Variants in CLYBL observed in about 807,000 individuals in gnomAD.
CLYBL encodes citramalyl-CoA lyase, mitochondrial.
A neutral mutation model predicts 38.9 loss-of-function variants in CLYBL; 31 were observed. That is an observed-to-expected ratio of 0.80 (90% CI 0.60 to 1.08). The LOEUF is 1.08. Among genes scored for constraint, CLYBL ranks in the 50% least tolerant of loss-of-function variants. The probability of loss-of-function intolerance (pLI) is 0.00; values close to 1 mark genes in which losing one functional copy is unlikely to be tolerated. For synonymous variants in CLYBL, 171 were observed against 158.6 expected (o/e 1.08, Z -0.59); for missense variants, 434 against 411.6 (o/e 1.05, Z -0.47).
At chr13:99,752,197 TTAAA>T (rs1331296346) in intron 1 of CLYBL, among the ~76,000 whole-genome samples, 1 of 152,136 alleles carries the variant, frequency 6.6e-6, no homozygotes, top group African/African-American at 2.4e-5. Flanking sequence ...ACGGAGAGCA[TTAAA>T]TAATCACACT....
intron 1 of CLYBL, among the ~76,000 whole-genome samples, chr13:99,639,129 C>A (rs1358350976): frequency 6.6e-6 from 1 of 152,182 alleles, no homozygotes; most frequent in Non-Finnish European, 1.5e-5. Flanking sequence ...AACCGGCAAT[C>A]TGTGAATCTT....
At chr13:99,870,214 A>G (rs532011353) in intron 6 of CLYBL, among the ~76,000 whole-genome samples, 1 of 152,276 alleles carries the variant, frequency 6.6e-6, no homozygotes, top group East Asian at 1.9e-4. Flanking sequence ...ATATTTTTGG[A>G]CAGAGAAACT....
chr13:99,861,814 G>T lies in CLYBL; in HGVS notation c.439-1177G>T, dbSNP rs567889137. On this transcript the variant is annotated intron_variant, in intron 3 of 8. Transcript: ENST00000339105. ...AGGGGGGTGGTGCACCGGCAAGGAG[G>T]GGGCAGCTAGAAGGGGAAATAACAC... 3.9e-5 allele frequency among the ~76,000 whole-genome samples: 6 copies of T among 152,210 alleles called. No individual in the cohort carries two copies. In the South Asian group the frequency reaches 1.2e-3, roughly 32 times the overall value.
intron 1 of CLYBL, among the ~76,000 whole-genome samples, chr13:99,631,122 G>A (rs560078266): frequency 6.6e-6 from 1 of 152,150 alleles, no homozygotes; most frequent in Non-Finnish European, 1.5e-5. Flanking sequence ...AGGAGTTCGA[G>A]ACCAGCCTGG....
At chr13:99,789,111 G>A (rs940801552) in intron 2 of CLYBL, among the ~76,000 whole-genome samples, 2 of 152,050 alleles carry the variant, frequency 1.3e-5, no homozygotes, top group African/African-American at 4.8e-5. Flanking sequence ...AGTCTTGCTA[G>A]CGGTCTATCA....
chr13:99,886,543 A>G (rs930359595), intron 7 of CLYBL, among the ~76,000 whole-genome samples: 1 of 152,268 alleles, frequency 6.6e-6, no homozygotes, highest in Non-Finnish European at 1.5e-5. Context: ...AATCATAGAC[A>G]TATGTATAGT....
chr13:99,789,114 G>T (rs1263771900), intron 2 of CLYBL, among the ~76,000 whole-genome samples: 1 of 152,104 alleles, frequency 6.6e-6, no homozygotes, highest in Non-Finnish European at 1.5e-5. Flanking sequence ...CTTGCTAGCG[G>T]TCTATCAATT....
At chr13:99,728,860 G>A (rs1331404616) in intron 1 of CLYBL, among the ~76,000 whole-genome samples, 1 of 152,158 alleles carries the variant, frequency 6.6e-6, no homozygotes, top group African/African-American at 2.4e-5. Context: ...TGGGATTAGA[G>A]GCATGAGCCA....
intron 1 of CLYBL, among the ~76,000 whole-genome samples, chr13:99,618,425 C>A (rs529802642): frequency 6.6e-6 from 1 of 151,918 alleles, no homozygotes; most frequent in African/African-American, 2.4e-5. Flanking sequence ...CCCGCCACCA[C>A]GCCTGGCTAA....
rs138159108 is a variant in CLYBL, at chr13:99,867,090, T to G, written c.802+683T>G. Among the ~76,000 whole-genome samples, 14 of 152,248 alleles carry G rather than the reference T, an allele frequency of 9.2e-5. No homozygotes were observed. In the East Asian group the frequency reaches 2.1e-3, roughly 23 times the overall value. On this transcript the variant is annotated intron_variant, in intron 6 of 8. Transcript: ENST00000339105. The stretch of plus-strand genomic sequence containing the variant: ...ATTGTGTTTTTACAACAGAGATCTA[T>G]TTTTCGAAAAACCACAATAGGAGTC...
chr13:99,710,159 G>A (rs770042027), intron 1 of CLYBL, among the ~76,000 whole-genome samples: 3 of 152,006 alleles, frequency 2.0e-5, no homozygotes, highest in Non-Finnish European at 4.4e-5. Flanking sequence ...TGATCTGCCC[G>A]CCTCGGCCTC....
At chr13:99,730,058 G>A (rs896557276) in intron 1 of CLYBL, among the ~76,000 whole-genome samples, 6 of 146,972 alleles carry the variant, frequency 4.1e-5, no homozygotes, top group South Asian at 2.2e-4. Context: ...CTCCACCACC[G>A]TTGGCCCCAC....
At chr13:99,694,502 A>G (rs2047951349) in intron 1 of CLYBL, among the ~76,000 whole-genome samples, 1 of 152,162 alleles carries the variant, frequency 6.6e-6, no homozygotes, top group Non-Finnish European at 1.5e-5. Context: ...CCCATCCATC[A>G]GGGCCACCTC....
chr13:99,710,367 A>G (rs1281521407), intron 1 of CLYBL, among the ~76,000 whole-genome samples: 2 of 152,130 alleles, frequency 1.3e-5, no homozygotes, highest in Non-Finnish European at 2.9e-5. Context: ...CGCACATGGC[A>G]TTTGTTCTTC....
At chr13:99,634,557 G>A (rs894986437) in intron 1 of CLYBL, among the ~76,000 whole-genome samples, 1 of 152,164 alleles carries the variant, frequency 6.6e-6, no homozygotes, top group African/African-American at 2.4e-5. Context: ...CTTCCCCGTG[G>A]AAAAGGGGAA....
chr13:99,668,229 A>G lies in CLYBL; in HGVS notation c.62+61472A>G, dbSNP rs535648432. Among the ~76,000 whole-genome samples, 16 of 151,816 alleles carry G rather than the reference A, an allele frequency of 1.1e-4. No individual in the cohort carries two copies. In the South Asian group the frequency reaches 3.3e-3, roughly 32 times the overall value. ...GCAGAGGTTGCAGTGATCCAAGATC[A>G]TGCCACTGCACTCCAGCCTGGGCGA... On this transcript the variant is annotated intron_variant, in intron 1 of 8. Transcript: ENST00000339105.
intron 2 of CLYBL, among the ~76,000 whole-genome samples, chr13:99,840,300 C>T (rs1424694546): frequency 2.6e-5 from 4 of 151,716 alleles, no homozygotes; most frequent in South Asian, 2.1e-4. Context: ...TTAATCATAA[C>T]CACCTCCATT....
intron 1 of CLYBL, among the ~76,000 whole-genome samples, chr13:99,769,641 G>A (rs1172603801): frequency 6.6e-6 from 1 of 152,144 alleles, no homozygotes; most frequent in Non-Finnish European, 1.5e-5. Context: ...GATATTTCAG[G>A]CAGTCTTCAA....
intron 2 of CLYBL, among the ~76,000 whole-genome samples, chr13:99,776,085 A>G (rs1251141818): frequency 6.6e-6 from 1 of 150,880 alleles, no homozygotes; most frequent in Non-Finnish European, 1.5e-5. Flanking sequence ...AATGGTGTGA[A>G]CCCAGGAGGC....
Sources: gnomAD v4.1 joint callset for allele counts (sites outside exome capture counted in the v4.1 genomes callset) on GRCh38, gnomAD v4.1.1 for gene constraint, MANE v1.5 for transcripts, NCBI Gene and HGNC (gene_info 2026-07-23, HGNC 2026-07-21) for gene names.